Variants in C12orf42 observed in about 807,000 individuals in gnomAD.
The protein encoded by C12orf42 is uncharacterized protein C12orf42.
A neutral mutation model predicts 21.6 loss-of-function variants in C12orf42; 25 were observed. The observed-to-expected ratio is 1.16, with a 90% confidence interval of 0.84 to 1.62. The LOEUF is 1.62. Ranked by LOEUF, C12orf42 falls within the 40% of genes most tolerant of loss-of-function variation. The probability of loss-of-function intolerance (pLI) is 0.00; values close to 1 mark genes in which losing one functional copy is unlikely to be tolerated. For missense variants in C12orf42, 483 were observed against 459.3 expected, an observed-to-expected ratio of 1.05 and a Z score of -0.47; for synonymous variants, 174 against 175.0, an observed-to-expected ratio of 0.99 and a Z score of 0.05.
downstream of C12orf42, among the ~76,000 whole-genome samples, chr12:103,267,095 G>C (rs2035206217): frequency 6.6e-6 from 1 of 152,118 alleles, no homozygotes; most frequent in African/African-American, 2.4e-5. Context: ...TTATTCCTCA[G>C]CATGCCTGGC....
chr12:103,433,824 T>A (rs1485346760), intron 2 of C12orf42, among the ~76,000 whole-genome samples: 2 of 152,218 alleles, frequency 1.3e-5, no homozygotes, highest in Non-Finnish European at 2.9e-5. Context: ...CTAAATTGTA[T>A]TGATGAATGA....
At chr12:103,484,132 G>A (rs1395618937) in intron 1 of C12orf42, among the ~76,000 whole-genome samples, 1 of 152,324 alleles carries the variant, frequency 6.6e-6, no homozygotes, top group East Asian at 1.9e-4. Context: ...ATGTGTGCAT[G>A]TGTCTTTATA....
At chr12:103,059,963 A>T in the C12orf42 span, among the ~76,000 whole-genome samples, 1 of 152,184 alleles carries the variant, frequency 6.6e-6, no homozygotes, top group Non-Finnish European at 1.5e-5. Flanking sequence ...TCAACATAGT[A>T]TTGGAAGTTC....
At chr12:103,448,871 T>C (rs1359956777) in intron 2 of C12orf42, among the ~76,000 whole-genome samples, 1 of 151,996 alleles carries the variant, frequency 6.6e-6, no homozygotes, top group Admixed American at 6.6e-5. Context: ...AACCACAGTA[T>C]ACAACACAGT....
the C12orf42 span, among the ~76,000 whole-genome samples, chr12:103,062,060 A>G: frequency 3.3e-5 from 5 of 152,156 alleles, no homozygotes; most frequent in Non-Finnish European, 7.4e-5. Context: ...GTTATAGCCT[A>G]AAATAAATGA....
At chr12:103,146,572 G>GA in the C12orf42 span, among the ~76,000 whole-genome samples, 1 of 136,890 alleles carries the variant, frequency 7.3e-6, no homozygotes, top group African/African-American at 2.8e-5. Context: ...AAGAAAGAAA[G>GA]AAAGAAAGAA....
chr12:103,157,219 T>C, the C12orf42 span, among the ~76,000 whole-genome samples: 2 of 152,370 alleles, frequency 1.3e-5, no homozygotes, highest in East Asian at 3.9e-4. Flanking sequence ...ATTTCTCTGA[T>C]GGTCAGTAAT....
At chr12:103,323,853 G>C (rs1017451635) in intron 4 of C12orf42, among the ~76,000 whole-genome samples, 1 of 152,050 alleles carries the variant, frequency 6.6e-6, no homozygotes, top group African/African-American at 2.4e-5. Context: ...TGGTAAGCCT[G>C]GCATATAACA....
At chr12:103,444,759 A>G (rs889225067) in intron 2 of C12orf42, among the ~76,000 whole-genome samples, 2 of 152,084 alleles carry the variant, frequency 1.3e-5, no homozygotes, top group African/African-American at 4.8e-5. Flanking sequence ...TTTTTGATGT[A>G]TACATCAAAG....
intron 2 of C12orf42, among the ~76,000 whole-genome samples, chr12:103,468,830 A>G (rs1953353420): frequency 6.6e-6 from 1 of 152,208 alleles, no homozygotes; most frequent in East Asian, 1.9e-4. Context: ...AGTTGGGACC[A>G]AAGAAACCCA....
At chr12:103,414,341 T>C (rs1209774146) in intron 2 of C12orf42, among the ~76,000 whole-genome samples, 1 of 152,136 alleles carries the variant, frequency 6.6e-6, no homozygotes, top group Admixed American at 6.6e-5. Flanking sequence ...TGTTTGTTTT[T>C]TTCTTGGTGA....
At chr12:103,248,372 T>A (rs10507162) in intron 10 of C12orf42, among the ~76,000 whole-genome samples, 15,619 of 151,992 alleles carry the variant, frequency 0.1, 873 homozygotes, top group East Asian at 0.21. Flanking sequence ...AAGTCGATAG[T>A]AAAGTACTCA....
the C12orf42 span, among the ~76,000 whole-genome samples, chr12:103,066,027 G>A: frequency 6.6e-6 from 1 of 152,180 alleles, no homozygotes; most frequent in Non-Finnish European, 1.5e-5. Context: ...TAGGGATGCT[G>A]TTTGGAGTCT....
chr12:103,244,745 A>G (rs1000523488), intron 10 of C12orf42, among the ~76,000 whole-genome samples: 1 of 151,934 alleles, frequency 6.6e-6, no homozygotes, highest in Non-Finnish European at 1.5e-5. Context: ...TGTATTTTTT[A>G]CTTTCTTTTC....
chr12:103,076,511 C>A, the C12orf42 span, among the ~76,000 whole-genome samples: 1 of 152,060 alleles, frequency 6.6e-6, no homozygotes, highest in African/African-American at 2.4e-5. Context: ...CAGATTCATA[C>A]TAGAACTGGT....
intron 10 of C12orf42, among the ~76,000 whole-genome samples, chr12:103,258,719 G>C (rs1370107158): frequency 2.0e-5 from 3 of 151,728 alleles, no homozygotes; most frequent in South Asian, 2.1e-4. Flanking sequence ...ATTCTTTCAG[G>C]GTACCTTTGC....
intron 10 of C12orf42, among the ~76,000 whole-genome samples, chr12:103,258,372 C>A (rs1041973021): frequency 6.6e-6 from 1 of 152,012 alleles, no homozygotes; most frequent in East Asian, 1.9e-4. Flanking sequence ...AAATCTTCAG[C>A]AAATGCATAA....
At chr12:103,297,758 G>C (rs1399480934), downstream of C12orf42, among the ~76,000 whole-genome samples, 1 of 151,102 alleles carries the variant, frequency 6.6e-6, no homozygotes, top group Non-Finnish European at 1.5e-5. Context: ...TATCCACCAA[G>C]ATCAAGCGGG....
At chr12:103,256,128 A>ATG (rs2034595491) in intron 10 of C12orf42, among the ~76,000 whole-genome samples, 1 of 127,358 alleles carries the variant, frequency 7.9e-6, no homozygotes, top group African/African-American at 3.0e-5. Flanking sequence ...ACACACACAC[A>ATG]CACACACACA....
Sources: allele counts gnomAD v4.1 joint callset (sites outside exome capture counted in the v4.1 genomes callset), GRCh38; gene constraint gnomAD v4.1.1; transcripts MANE v1.5; gene names NCBI Gene and HGNC (gene_info 2026-07-23, HGNC 2026-07-21).